Variants in WRN observed in about 807,000 individuals in gnomAD.
WRN encodes WRN RecQ like helicase, also known as bifunctional 3'-5' exonuclease/ATP-dependent helicase WRN.
In WRN, 149 loss-of-function variants were observed where a neutral mutation model predicts 180.7. That is an observed-to-expected ratio of 0.82 (90% CI 0.72 to 0.94). WRN has a LOEUF of 0.94. Among genes scored for constraint, WRN ranks in the 40% least tolerant of loss-of-function variants. The pLI, the probability that WRN is intolerant of heterozygous loss-of-function variation, is 0.00. For synonymous variants in WRN, 548 were observed against 568.9 expected (o/e 0.96, Z 0.52); for missense variants, 1,661 against 1,700.1 (o/e 0.98, Z 0.40).
At position 31,121,478 on chromosome 8, in the gene WRN, A is replaced by G. The variant is rs542978009; in HGVS notation, c.2630+1054A>G. Among the ~76,000 whole-genome samples, 4 of 152,158 alleles carry G rather than the reference A, an allele frequency of 2.6e-5. No individual in the cohort carries two copies. The South Asian group carries it at 8.3e-4, about 32-fold the overall frequency. Reference sequence around the variant, plus strand: ...AATGGGAATGGTAATTCTTTAGAGAATCACATAACTATGGATACATAGGCT... The same window carrying G: ...AATGGGAATGGTAATTCTTTAGAGAGTCACATAACTATGGATACATAGGCT... On this transcript the variant is annotated intron_variant, in intron 21 of 34. Transcript: ENST00000298139.
At chr8:31,051,191 T>G (rs1229481721) in intron 1 of WRN, among the ~76,000 whole-genome samples, 1 of 152,102 alleles carries the variant, frequency 6.6e-6, no homozygotes, top group African/African-American at 2.4e-5. Context: ...CCTTACCTAG[T>G]TAGAGGTTTT....
intron 21 of WRN, among the ~76,000 whole-genome samples, chr8:31,123,544 C>T (rs1051237715): frequency 2.6e-5 from 4 of 151,956 alleles, no homozygotes; most frequent in East Asian, 1.9e-4. Flanking sequence ...TTTTGAATAA[C>T]GGATCATTTG....
chr8:31,051,490 A>G (rs530375382), intron 1 of WRN, among the ~76,000 whole-genome samples: 2 of 152,208 alleles, frequency 1.3e-5, no homozygotes, highest in African/African-American at 2.4e-5. Flanking sequence ...TTCTATTGAC[A>G]TGAACTAGAA....
At chr8:31,172,641 G>A (rs1445961017) in intron 34 of WRN, among the ~76,000 whole-genome samples, 3 of 152,144 alleles carry the variant, frequency 2.0e-5, no homozygotes, top group Non-Finnish European at 2.9e-5. Flanking sequence ...GCCCAGGCAT[G>A]TTCCTTCCTC....
intron 1 of WRN, among the ~76,000 whole-genome samples, chr8:31,046,895 T>C (rs1425846976): frequency 6.6e-6 from 1 of 152,192 alleles, no homozygotes; most frequent in Non-Finnish European, 1.5e-5. Context: ...AATTACACAA[T>C]CACAAAATTG....
At position 31,119,997 on chromosome 8, in the gene WRN, A is replaced by T. The variant is rs182200463; in HGVS notation, c.2449-246A>T. 1.2e-5 allele frequency: 6 copies of T among 482,938 alleles called. No individual in the cohort carries two copies. The Admixed American group carries it at 2.0e-4, about 16-fold the overall frequency. 29.9% of individuals were successfully genotyped at this position (482,938 alleles called of 1,614,324 possible). ...CCCTTTTGTGTCTTGTATTCATAGG[A>T]GTTCAGATAGACCACTTTATTTACT... On this transcript the variant is annotated intron_variant, in intron 20 of 34. Coordinates refer to ENST00000298139, the MANE Select transcript of WRN (RefSeq NM_000553.6).
At chr8:31,048,430 G>A (rs564810767) in intron 1 of WRN, among the ~76,000 whole-genome samples, 58 of 152,158 alleles carry the variant, frequency 3.8e-4, no homozygotes, top group African/African-American at 1.4e-3. Context: ...CTCAAAAACC[G>A]TACAGGAGAA....
intron 7 of WRN, among the ~76,000 whole-genome samples, chr8:31,074,165 T>G (rs1381799945): frequency 6.6e-6 from 1 of 151,774 alleles, no homozygotes; most frequent in Non-Finnish European, 1.5e-5. Context: ...GACCTCGTGA[T>G]CCACCCGCCT....
At chr8:31,065,336 C>T (rs865842474) in intron 5 of WRN, among the ~76,000 whole-genome samples, 3 of 152,044 alleles carry the variant, frequency 2.0e-5, no homozygotes, top group African/African-American at 7.2e-5. Flanking sequence ...TTTTATCACC[C>T]GGGTATTAAG....
chr8:31,094,187 A>G (rs1813866387), intron 16 of WRN, among the ~76,000 whole-genome samples: 1 of 152,190 alleles, frequency 6.6e-6, no homozygotes, highest in Admixed American at 6.5e-5. Context: ...AAATTCACAG[A>G]ACATAACTTT....
intron 9 of WRN, among the ~76,000 whole-genome samples, chr8:31,083,203 T>C (rs3963695): frequency 3.3e-5 from 5 of 152,198 alleles, no homozygotes; most frequent in Non-Finnish European, 5.9e-5. Flanking sequence ...ATCTCTGACA[T>C]TATTTTTCAA....
At chr8:31,096,321 CTG>C (rs763185302) in intron 16 of WRN, among the ~76,000 whole-genome samples, 22 of 152,268 alleles carry the variant, frequency 1.4e-4, no homozygotes, top group Non-Finnish European at 2.6e-4. Flanking sequence ...AGAGCAGACT[CTG>C]TAAATATTTT....
At chr8:31,089,899 C>G (rs1321607732) in intron 13 of WRN, among the ~76,000 whole-genome samples, 1 of 151,914 alleles carries the variant, frequency 6.6e-6, no homozygotes, top group African/African-American at 2.4e-5. Flanking sequence ...TAAAATGCAT[C>G]TCAGGGTCAA....
At chr8:31,150,042 C>G (rs1397318589) in intron 30 of WRN, among the ~76,000 whole-genome samples, 3 of 152,080 alleles carry the variant, frequency 2.0e-5, no homozygotes, top group African/African-American at 7.2e-5. Context: ...ATAATAAAAT[C>G]AGTAATAAAG....
chr8:31,081,407 C>T, intron 9 of WRN, 111 bp downstream of exon 9: 1 of 1,126,310 alleles, frequency 8.9e-7, no homozygotes, highest in Non-Finnish European at 1.3e-6. Flanking sequence ...CATACAGTCT[C>T]TGTTGCAGTA....
chr8:31,074,025 T>C lies in WRN; in HGVS notation c.725-2148T>C, dbSNP rs542968427. 4.0e-5 allele frequency among the ~76,000 whole-genome samples: 6 copies of C among 151,722 alleles called. 1 individual carries two copies. The highest frequency in any genetic ancestry group is 1.4e-4 in the African/African-American group (6 of 41,386). On this transcript the variant is annotated intron_variant, in intron 7 of 34. Coordinates refer to ENST00000298139, the MANE Select transcript of WRN (RefSeq NM_000553.6). ...TCCGCCTCCCAGGTTCACACTATTC[T>C]CCTGCCTCAGCCTCCGGAGTAGCTG... is the stretch of plus-strand genomic sequence containing the variant.
intron 1 of WRN, among the ~76,000 whole-genome samples, chr8:31,049,004 A>G (rs553029201): frequency 4.6e-5 from 7 of 152,056 alleles, no homozygotes; most frequent in African/African-American, 1.7e-4. Context: ...TTAAAGAGAA[A>G]GAACATCCTG....
chr8:31,141,362 T>C, intron 24 of WRN, 68 bp from the exon 25 acceptor site: 1 of 1,582,474 alleles, frequency 6.3e-7, no homozygotes, highest in South Asian at 1.1e-5. Context: ...AATAGACAAG[T>C]CTGTGTTTTA....
chr8:31,068,294 G>A lies in WRN; in HGVS notation c.691G>A (p.Asp231Asn). The A allele has an allele frequency of 6.2e-7, 1 of 1,609,136 alleles. No individual in the cohort carries two copies. ...TATTTACCGAAATTTAGAGATTTTG[G>A]ATGATACTGTGCAAAGGTTTGCTAT... ...FIIYRNLEILDDTVQRFAINK... is the reference protein window; with the variant it reads ...FIIYRNLEILNDTVQRFAINK... The change falls in exon 7 of 35, where the codon GAT becomes AAT. Residue 231 changes from aspartate (D) to asparagine (N), a missense_variant. This residue lies in a region of WRN where 500 missense variants were observed against 504.1 expected (regional missense o/e 0.99). Coordinates refer to ENST00000298139, the MANE Select transcript of WRN (RefSeq NM_000553.6).
Sources: allele counts gnomAD v4.1 joint callset (sites outside exome capture counted in the v4.1 genomes callset), GRCh38; gene constraint gnomAD v4.1.1; regional missense constraint gnomAD v4.1.1; transcripts MANE v1.5; gene names NCBI Gene and HGNC (gene_info 2026-07-23, HGNC 2026-07-21).